Variants in TBL1XR1 observed in about 807,000 individuals in gnomAD.
TBL1XR1 encodes the protein F-box-like/WD repeat-containing protein TBL1XR1.
In TBL1XR1, 5 loss-of-function variants were observed where a neutral mutation model predicts 66.9. The ratio of observed to expected loss-of-function variants is 0.07; its 90% CI spans 0.04 to 0.16. The LOEUF (loss-of-function observed/expected upper bound fraction) is 0.16. TBL1XR1 is among the 10% of genes least tolerant of loss of function. The pLI, the probability that TBL1XR1 is intolerant of heterozygous loss-of-function variation, is 1.00. For missense variants in TBL1XR1, 238 were observed against 623.2 expected (o/e 0.38, Z 6.58); for synonymous variants, 210 against 206.0 (o/e 1.02, Z -0.17).
chr3:177,041,712 G>A (rs1270106181), intron 10 of TBL1XR1, among the ~76,000 whole-genome samples: 1 of 152,152 alleles, frequency 6.6e-6, no homozygotes, highest in African/African-American at 2.4e-5. Context: ...ACTCTGCCCT[G>A]CTAGGATGTG....
In TBL1XR1 at chr3:177,025,356, A is replaced by G. The variant is rs1386346228; in HGVS notation, c.*142T>C. On this transcript the variant is annotated 3_prime_UTR_variant, in exon 16 of 16. Coordinates refer to ENST00000457928, the MANE Select transcript of TBL1XR1 (RefSeq NM_024665.7). ...TCAGGGTGCAATTTTGTTTATATAC[A>G]CTGTATGTATATATTTCTTTTAGAT... is the stretch of plus-strand genomic sequence containing the variant. 14 of 704,262 alleles carry G rather than the reference A, an allele frequency of 2.0e-5. No homozygotes were observed. The highest frequency in any genetic ancestry group is 3.3e-5 in the Admixed American group (1 of 30,412). 43.6% of individuals were successfully genotyped at this position (704,262 alleles called of 1,614,324 possible).
chr3:177,145,057 C>G (rs1302461449), intron 1 of TBL1XR1, among the ~76,000 whole-genome samples: 2 of 152,344 alleles, frequency 1.3e-5, no homozygotes, highest in East Asian at 3.9e-4. Flanking sequence ...ATTTTGTTGA[C>G]TGTTTAATTA....
At chr3:177,154,706 T>A (rs1731291142) in intron 1 of TBL1XR1, among the ~76,000 whole-genome samples, 1 of 152,122 alleles carries the variant, frequency 6.6e-6, no homozygotes, top group Non-Finnish European at 1.5e-5. Context: ...ACAGAACTTT[T>A]TAAAAAGAAA....
intron 12 of TBL1XR1, among the ~76,000 whole-genome samples, chr3:177,035,829 C>T (rs79705810): frequency 0.014 from 2,147 of 152,260 alleles, 53 homozygotes; most frequent in African/African-American, 0.05. Flanking sequence ...GAGCCATTTA[C>T]AGACTCCCTG....
At chr3:177,099,597 A>G (rs1723940472) in intron 1 of TBL1XR1, 1 of 152,254 alleles carries the variant, frequency 6.6e-6, no homozygotes, top group African/African-American at 2.4e-5. Context: ...CACATACACT[A>G]TCCCACCAAT....
At chr3:177,137,504 A>G (rs1439352280) in intron 1 of TBL1XR1, among the ~76,000 whole-genome samples, 1 of 152,194 alleles carries the variant, frequency 6.6e-6, no homozygotes, top group Non-Finnish European at 1.5e-5. Flanking sequence ...AAATAAATAC[A>G]TGAATTAGTT....
intron 1 of TBL1XR1, among the ~76,000 whole-genome samples, chr3:177,133,385 T>A (rs183417850): frequency 6.6e-6 from 1 of 152,326 alleles, no homozygotes. Flanking sequence ...ATGGCATAGT[T>A]TCAAGATATA....
intron 1 of TBL1XR1, among the ~76,000 whole-genome samples, chr3:177,195,090 T>G (rs1031832395): frequency 2.0e-5 from 3 of 152,140 alleles, no homozygotes; most frequent in African/African-American, 7.2e-5. Context: ...AGTTTAGTAT[T>G]TTGTCCTGTA....
chr3:177,129,020 G>A (rs766446560), intron 1 of TBL1XR1, among the ~76,000 whole-genome samples: 10 of 152,182 alleles, frequency 6.6e-5, no homozygotes, highest in East Asian at 1.9e-4. Context: ...TGTTCAGCAC[G>A]GTCATTTTTA....
chr3:177,124,903 C>G (rs567633719), intron 1 of TBL1XR1, among the ~76,000 whole-genome samples: 1 of 152,004 alleles, frequency 6.6e-6, no homozygotes, highest in Non-Finnish European at 1.5e-5. Flanking sequence ...TAGAACCCTA[C>G]TTCACACCAT....
chr3:177,187,734 G>A (rs374147150), intron 1 of TBL1XR1, among the ~76,000 whole-genome samples: 39 of 151,130 alleles, frequency 2.6e-4, no homozygotes, highest in African/African-American at 9.6e-4. Flanking sequence ...AAGACACAAT[G>A]AGAAGAAAAG....
At chr3:177,194,546 T>C (rs1736578014) in intron 1 of TBL1XR1, among the ~76,000 whole-genome samples, 1 of 152,212 alleles carries the variant, frequency 6.6e-6, no homozygotes. Context: ...ATAATAGTAC[T>C]GCTACAAGTT....
intron 14 of TBL1XR1, among the ~76,000 whole-genome samples, chr3:177,028,576 T>A (rs1467716127): frequency 6.6e-6 from 1 of 152,122 alleles, no homozygotes; most frequent in Non-Finnish European, 1.5e-5. Flanking sequence ...GGAAAAAAGA[T>A]CCTTAGAGAA....
At chr3:177,197,816 G>T (rs1027321492), upstream of TBL1XR1, among the ~76,000 whole-genome samples, 1 of 147,460 alleles carries the variant, frequency 6.8e-6, no homozygotes, top group East Asian at 2.0e-4. Flanking sequence ...AGCCCCGCGG[G>T]CACTCGAAGG....
upstream of TBL1XR1, among the ~76,000 whole-genome samples, chr3:177,197,811 C>T (rs1465354345): frequency 6.8e-6 from 1 of 147,156 alleles, no homozygotes. Flanking sequence ...AGGCGAGCCC[C>T]GCGGGCACTC....
chr3:177,111,144 C>T (rs890811547), intron 1 of TBL1XR1, among the ~76,000 whole-genome samples: 1 of 152,048 alleles, frequency 6.6e-6, no homozygotes, highest in Non-Finnish European at 1.5e-5. Context: ...TGCACCTCTC[C>T]CTACTATCAT....
intron 14 of TBL1XR1, chr3:177,032,201 G>A (rs1714100023): frequency 6.6e-6 from 1 of 152,216 alleles, no homozygotes; most frequent in African/African-American, 2.4e-5. Flanking sequence ...ACCAGCAGGA[G>A]AGGAACAAAG....
At chr3:177,041,598 G>T (rs1054728302) in intron 10 of TBL1XR1, among the ~76,000 whole-genome samples, 4 of 152,190 alleles carry the variant, frequency 2.6e-5, no homozygotes, top group African/African-American at 7.2e-5. Context: ...TTATCCGCAT[G>T]ATGTGTGAAC....
intron 1 of TBL1XR1, among the ~76,000 whole-genome samples, chr3:177,153,973 T>C (rs1360853915): frequency 7.0e-6 from 1 of 143,282 alleles, no homozygotes; most frequent in Non-Finnish European, 1.5e-5. Context: ...TAATATAGAG[T>C]GCTAATAATT....
Sources: allele counts gnomAD v4.1 joint callset (sites outside exome capture counted in the v4.1 genomes callset), GRCh38; gene constraint gnomAD v4.1.1; transcripts MANE v1.5; gene names NCBI Gene and HGNC (gene_info 2026-07-23, HGNC 2026-07-21).